ZG16B: variants seen among roughly 807,000 people sequenced by gnomAD.
ZG16B encodes zymogen granule protein 16B.
A neutral mutation model predicts 7.0 loss-of-function variants in ZG16B; 8 were observed. The observed-to-expected ratio is 1.15, with a 90% CI of 0.68 to 2.08. The LOEUF (loss-of-function observed/expected upper bound fraction) is 2.08, where lower values mean the gene tolerates loss of function less well. Among genes scored for constraint, ZG16B ranks in the 30% most tolerant of loss-of-function variants. The pLI, the probability that ZG16B is intolerant of heterozygous loss-of-function variation, is 0.00. For missense variants in ZG16B, 232 were observed against 211.0 expected, an observed-to-expected ratio of 1.10 and a Z score of -0.62; for synonymous variants, 92 against 86.1, an observed-to-expected ratio of 1.07 and a Z score of -0.38.
intron 1 of ZG16B, 27 bp downstream of exon 1, chr16:2,830,355 G>A: frequency 1.9e-6 from 3 of 1,610,298 alleles, no homozygotes; most frequent in Non-Finnish European, 2.5e-6. Context: ...CATGGGTGGG[G>A]CCCGGCAAGG....
chr16:2,832,265 G>A lies in ZG16B; in HGVS notation c.*106G>A, dbSNP rs2069263025. 6.7e-7 allele frequency: 1 copy of A among 1,496,058 alleles called. No individual in the cohort carries two copies. The highest frequency in any genetic ancestry group is 8.9e-7 in the Non-Finnish European group (1 of 1,118,282). The allele number at this position is 1,496,058 out of a possible 1,614,324, so 92.7% of individuals were successfully genotyped here. A position where few individuals can be genotyped will look rare whatever the true frequency, so the allele number is the denominator to read the frequency against. On this transcript the variant is annotated 3_prime_UTR_variant, in exon 4 of 4. Coordinates refer to ENST00000382280, the MANE Select transcript of ZG16B (RefSeq NM_145252.3). ...GAATCTGAATCCACCAATAAATAAA[G>A]GTTCTGCAGAATCAGTGCATCCAGG...
Position 2,830,323 on chromosome 16 carries a change from G to A in ZG16B, c.-33G>A. 1 of 1,613,320 alleles carries A rather than the reference G, an allele frequency of 6.2e-7. No individual in the cohort carries two copies. Among genetic ancestry groups the A allele is most frequent in the East Asian group, 2.2e-5 (1 of 44,860 alleles). The stretch of plus-strand genomic sequence containing the variant: ...CGGCACAACCAGACGCCCAGTCACA[G>A]GCGAGGTAAGGTGCTTGGCTCCATG... On this transcript the variant is annotated 5_prime_UTR_variant, in exon 1 of 4. Transcript: ENST00000382280.
chr16:2,830,556 C>T, intron 2 of ZG16B, 63 bp downstream of exon 2: 1 of 1,582,654 alleles, frequency 6.3e-7, no homozygotes, highest in Non-Finnish European at 8.6e-7. Flanking sequence ...AGGGACTCAC[C>T]CGGCCCTTGT....
At chr16:2,830,870 G>A (rs182575398) in intron 3 of ZG16B, 74 bp downstream of exon 3, 4 of 1,528,340 alleles carry the variant, frequency 2.6e-6, no homozygotes, top group Middle Eastern at 2.3e-4. Context: ...TCAGGGCAGG[G>A]GGTAAGCACC....
Position 2,831,992 on chromosome 16 carries a change from T to C in ZG16B, c.352T>C (p.Ser118Pro). The change falls in exon 4 of 4, where the codon TCT (serine) becomes CCT (proline). Residue 118 changes from serine to proline, a missense_variant. Coordinates refer to ENST00000382280, the MANE Select transcript of ZG16B (RefSeq NM_145252.3). Reference protein sequence around the residue: ...YFGKLDGQISSAYPSQEGQVL... With the variant: ...YFGKLDGQISPAYPSQEGQVL... ...TGGGAAGCTTGATGGCCAGATCTCC[T>C]CTGCCTACCCCAGCCAAGAGGGGCA... 6.2e-7 allele frequency: 1 copy of C among 1,614,196 alleles called. No homozygotes were observed. The highest frequency in any genetic ancestry group is 8.5e-7 in the Non-Finnish European group (1 of 1,180,046).
In ZG16B at chr16:2,830,341, G is replaced by T; in HGVS notation, c.-28+13G>T. ...AGTCACAGGCGAGGTAAGGTGCTTG[G>T]CTCCATGGGTGGGGCCCGGCAAGGT... On this transcript the variant is annotated intron_variant, in intron 1 of 3. Coordinates refer to ENST00000382280, the MANE Select transcript of ZG16B (RefSeq NM_145252.3). The T allele has an allele frequency of 6.2e-7, 1 of 1,612,492 alleles. No individual in the cohort carries two copies. The highest frequency in any genetic ancestry group is 8.5e-7 in the Non-Finnish European group (1 of 1,179,342).
In ZG16B at chr16:2,830,681, C is replaced by G. The variant is rs767186370; in HGVS notation, c.53-13C>G. 7 of 1,614,176 alleles carry G rather than the reference C, an allele frequency of 4.3e-6. No individual in the cohort carries two copies. Among genetic ancestry groups the G allele is most frequent in the Non-Finnish European group, 5.9e-6 (7 of 1,179,994 alleles). Reference sequence around the variant, plus strand: ...TGGGGATTTTCTTCCCTTTGGGTCTCTCTTTTCTTCAGAGATGTATGGCCC... The same window carrying G: ...TGGGGATTTTCTTCCCTTTGGGTCTGTCTTTTCTTCAGAGATGTATGGCCC... On this transcript the variant is annotated splice_polypyrimidine_tract_variant and intron_variant, in intron 2 of 3. Transcript: ENST00000382280.
In ZG16B at chr16:2,831,906, C is replaced by T. The variant is rs2069259282; in HGVS notation, c.266C>T (p.Ala89Val). The T allele has an allele frequency of 3.1e-6, 5 of 1,614,150 alleles. No homozygotes were observed. In the East Asian group the frequency reaches 1.1e-4, roughly 36 times the overall value. ...PGEYITKVFV[A>V]FQAFLRGMVM... ...GAATACATCACAAAAGTCTTTGTCG[C>T]CTTCCAAGCTTTCCTCCGGGGTATG... Residue 89 changes from alanine (A) to valine (V), a missense_variant, in exon 4 of 4, where the codon GCC becomes GTC. Physicochemically the swap from Ala to Val is moderately conservative, Grantham distance 64 (BLOSUM62 0). Coordinates refer to ENST00000382280, the MANE Select transcript of ZG16B (RefSeq NM_145252.3).
chr16:2,830,536 C>A, intron 2 of ZG16B, 43 bp downstream of exon 2: 1 of 1,587,190 alleles, frequency 6.3e-7, no homozygotes, highest in Non-Finnish European at 8.6e-7. Context: ...TGCCTCCCTC[C>A]AGGAGAGCCA....
rs751882900 is a variant in ZG16B at position 2,832,065 on chromosome 16, G to A, written c.425G>A (p.Ser142Asn). 4 of 1,614,014 alleles carry A rather than the reference G, an allele frequency of 2.5e-6. No individual in the cohort carries two copies. The highest frequency in any genetic ancestry group is 1.3e-5 in the African/African-American group (1 of 74,912). The change falls in exon 4 of 4, where the codon AGC becomes AAC. Residue 142 changes from serine to asparagine, a missense_variant. Ser to Asn is a conservative substitution (Grantham distance 46). Coordinates refer to ENST00000382280, the MANE Select transcript of ZG16B (RefSeq NM_145252.3). ...YGQYQLLGIK[S>N]IGFEWNYPLE... ...CAGTATCAACTCCTTGGCATCAAGA[G>A]CATTGGCTTTGAATGGAATTATCCA...
At position 2,830,472 on chromosome 16, in the gene ZG16B, G is replaced by C. The variant is rs1455625210; in HGVS notation, c.31G>C (p.Gly11Arg). The change falls in exon 2 of 4, where the codon GGG becomes CGG. Residue 11 changes from glycine to arginine, a missense_variant. Physicochemically the swap from Gly to Arg is moderately radical, Grantham distance 125. Coordinates refer to ENST00000382280, the MANE Select transcript of ZG16B (RefSeq NM_145252.3). Reference sequence around the variant, plus strand: ...GCTGCTGCTCACGCTTGCCCTCCTGGGGGGCCCCACCTGGGCAGGGAGTAA... The same window carrying C: ...GCTGCTGCTCACGCTTGCCCTCCTGCGGGGCCCCACCTGGGCAGGGAGTAA... MLLLLTLALL[G>R]GPTWAGKMYG... 1.9e-6 allele frequency: 3 copies of C among 1,599,670 alleles called. No homozygotes were observed. The Admixed American group carries it at 5.2e-5, about 28-fold the overall frequency.
intron 3 of ZG16B, among the ~76,000 whole-genome samples, chr16:2,831,537 T>G (rs2069256102): frequency 6.6e-6 from 1 of 152,132 alleles, no homozygotes; most frequent in Non-Finnish European, 1.5e-5. Context: ...CTCACCAGGA[T>G]CTCAGTGACT....
chr16:2,831,941 A>G lies in ZG16B; in HGVS notation c.301A>G (p.Thr101Ala). 6.2e-7 allele frequency: 1 copy of G among 1,614,096 alleles called. No individual in the cohort carries two copies. Among genetic ancestry groups the G allele is most frequent in the Non-Finnish European group, 8.5e-7 (1 of 1,180,024 alleles). ...QAFLRGMVMYTSKDRYFYFGK... is the reference protein window; with the variant it reads ...QAFLRGMVMYASKDRYFYFGK... ...TTTCCTCCGGGGTATGGTCATGTAC[A>G]CCAGCAAGGACCGCTATTTCTATTT... Residue 101 changes from threonine (T) to alanine (A), a missense_variant, in exon 4 of 4, where the codon ACC (threonine) becomes GCC (alanine). Transcript: ENST00000382280.
chr16:2,830,555 C>A, intron 2 of ZG16B, 62 bp downstream of exon 2: 1 of 1,582,606 alleles, frequency 6.3e-7, no homozygotes. Context: ...CAGGGACTCA[C>A]CCGGCCCTTG....
chr16:2,830,877 C>T, intron 3 of ZG16B, 81 bp downstream of exon 3: 4 of 1,437,492 alleles, frequency 2.8e-6, no homozygotes, highest in Non-Finnish European at 2.9e-6. Flanking sequence ...AGGGGGTAAG[C>T]ACCCGTGGCC....
At chr16:2,831,576 A>ACGGGGAAACTGAGTCCGGAGAGG (rs1393445576) in intron 3 of ZG16B, among the ~76,000 whole-genome samples, 6 of 152,204 alleles carry the variant, frequency 3.9e-5, no homozygotes, top group Non-Finnish European at 8.8e-5. Context: ...CACTTTGCAG[A>ACGGGGAAACTGAGTCCGGAGAGG]CGGGGAAACT....
Position 2,831,803 on chromosome 16 carries a change from G to T in ZG16B, c.163G>T (p.Val55Leu). The T allele has an allele frequency of 6.2e-7, 1 of 1,611,498 alleles. No individual in the cohort carries two copies. The highest frequency in any genetic ancestry group is 1.1e-5 in the South Asian group (1 of 90,976). The part of the protein sequence containing the change: ...VGLLLVKSVQ[V>L]KLGDSWDVKL... ...GCTTTGCCTCTCTCCCAGTGTCCAG[G>T]TGAAACTTGGAGACTCCTGGGACGT... The change falls in exon 4 of 4, where the codon GTG becomes TTG. Residue 55 changes from valine (V) to leucine (L), a missense_variant. Transcript: ENST00000382280.
intron 3 of ZG16B, chr16:2,831,187 T>C (rs2069253773): frequency 9.8e-6 from 2 of 203,266 alleles, no homozygotes; most frequent in South Asian, 1.8e-4. Flanking sequence ...GTGTCTCTGC[T>C]GGAGGTCTGG....
At position 2,831,827 on chromosome 16, in the gene ZG16B, G is replaced by C. The variant is rs769445367; in HGVS notation, c.187G>C (p.Val63Leu). ...GGTGAAACTTGGAGACTCCTGGGAC[G>C]TGAAACTGGGAGCCTTAGGTGGGAA... Reference protein sequence around the residue: ...VQVKLGDSWDVKLGALGGNTQ... With the variant: ...VQVKLGDSWDLKLGALGGNTQ... Residue 63 changes from valine to leucine, a missense_variant, in exon 4 of 4, where the codon GTG becomes CTG. Coordinates refer to ENST00000382280, the MANE Select transcript of ZG16B (RefSeq NM_145252.3). 1 of 1,613,904 alleles carries C rather than the reference G, an allele frequency of 6.2e-7. No homozygotes were observed. Among genetic ancestry groups the C allele is most frequent in the South Asian group, 1.1e-5 (1 of 91,078 alleles).
Sources: gnomAD v4.1 joint callset for allele counts (sites outside exome capture counted in the v4.1 genomes callset) on GRCh38, gnomAD v4.1.1 for gene constraint, MANE v1.5 for transcripts, NCBI Gene and HGNC (gene_info 2026-07-23, HGNC 2026-07-21) for gene names.